LRRC7: variants seen among roughly 807,000 people sequenced by gnomAD.
LRRC7 encodes leucine rich repeat containing 7.
LRRC7 carries 23 observed loss-of-function variants against 175.7 expected under a neutral mutation model. The ratio of observed to expected loss-of-function variants is 0.13; its 90% confidence interval spans 0.09 to 0.19. LRRC7 has a LOEUF of 0.19. Among genes scored for constraint, LRRC7 ranks in the 10% least tolerant of loss-of-function variants. The probability of loss-of-function intolerance (pLI) is 1.00; values close to 1 mark genes in which losing one functional copy is unlikely to be tolerated. For missense variants in LRRC7, 1,354 were observed against 1,904.7 expected, an observed-to-expected ratio of 0.71 and a Z score of 5.38; for synonymous variants, 685 against 680.9, an observed-to-expected ratio of 1.01 and a Z score of -0.09.
At chr1:69,760,507 A>C in intron 3 of LRRC7, 114 bp downstream of exon 3, 1 of 819,466 alleles carries the variant, frequency 1.2e-6, no homozygotes, top group Non-Finnish European at 2.0e-6. Context: ...CTGACAAGTC[A>C]TTGAAATTGA....
chr1:69,834,099 A>G (rs1365888832), intron 5 of LRRC7, among the ~76,000 whole-genome samples: 4 of 152,168 alleles, frequency 2.6e-5, no homozygotes, highest in Non-Finnish European at 5.9e-5. Flanking sequence ...TAATTATTTC[A>G]TCTAATTTCT....
intron 2 of LRRC7, among the ~76,000 whole-genome samples, chr1:69,687,546 G>GA (rs1557601122): frequency 1.5e-5 from 2 of 130,364 alleles, no homozygotes; most frequent in African/African-American, 2.8e-5. Context: ...AAAGAAAAAA[G>GA]AAAAAGAAAA....
intron 22 of LRRC7, 50 bp from the exon 23 acceptor site, chr1:70,052,976 G>A (rs747423665): frequency 1.3e-6 from 2 of 1,495,750 alleles, no homozygotes; most frequent in East Asian, 2.4e-5. Context: ...AGAAAACTAT[G>A]GTAAACTTCT....
At chr1:69,741,983 G>A (rs1668763376) in intron 2 of LRRC7, among the ~76,000 whole-genome samples, 1 of 151,830 alleles carries the variant, frequency 6.6e-6, no homozygotes, top group African/African-American at 2.4e-5. Flanking sequence ...TCAGAAAGTG[G>A]CACTGAGATT....
At chr1:69,814,987 C>T (rs771007155) in intron 4 of LRRC7, among the ~76,000 whole-genome samples, 38 of 152,152 alleles carry the variant, frequency 2.5e-4, no homozygotes, top group South Asian at 6.2e-4. Flanking sequence ...ACCCAGAACT[C>T]TCCCTAAGCT....
intron 1 of LRRC7, among the ~76,000 whole-genome samples, chr1:69,639,950 C>T (rs770650204): frequency 6.6e-6 from 1 of 151,718 alleles, no homozygotes; most frequent in Non-Finnish European, 1.5e-5. Flanking sequence ...TGAACCATAA[C>T]TGTCTGTGAC....
intron 23 of LRRC7, among the ~76,000 whole-genome samples, chr1:70,064,934 C>G (rs1252227761): frequency 6.6e-6 from 1 of 151,854 alleles, no homozygotes; most frequent in Non-Finnish European, 1.5e-5. Flanking sequence ...GAGGCCTTTT[C>G]TTCATATTGA....
intron 7 of LRRC7, among the ~76,000 whole-genome samples, chr1:69,863,067 A>G (rs1306210193): frequency 6.6e-6 from 1 of 152,160 alleles, no homozygotes; most frequent in Non-Finnish European, 1.5e-5. Flanking sequence ...AATAGAAATA[A>G]CATTTTTTAG....
At chr1:70,022,026 A>G (rs1417254545) in intron 16 of LRRC7, among the ~76,000 whole-genome samples, 1 of 152,090 alleles carries the variant, frequency 6.6e-6, no homozygotes, top group Non-Finnish European at 1.5e-5. Flanking sequence ...TCTCCTTTCC[A>G]CATTTTCTAA....
chr1:69,863,215 C>G (rs1212223822), intron 7 of LRRC7, among the ~76,000 whole-genome samples: 1 of 152,174 alleles, frequency 6.6e-6, no homozygotes, highest in African/African-American at 2.4e-5. Flanking sequence ...CCTTTTTTAT[C>G]ATTTAAATCT....
chr1:70,032,800 A>G (rs977212428), intron 18 of LRRC7, among the ~76,000 whole-genome samples: 7 of 152,186 alleles, frequency 4.6e-5, no homozygotes, highest in African/African-American at 1.7e-4. Flanking sequence ...TCTTTATGGC[A>G]GTAGCAGCCA....
At chr1:69,826,663 AT>A (rs1679945037) in intron 5 of LRRC7, among the ~76,000 whole-genome samples, 1 of 152,180 alleles carries the variant, frequency 6.6e-6, no homozygotes, top group Admixed American at 6.5e-5. Context: ...TAAGACTGGC[AT>A]TTTAATTATA....
chr1:69,730,763 A>G (rs930784917), intron 2 of LRRC7, among the ~76,000 whole-genome samples: 4 of 152,114 alleles, frequency 2.6e-5, no homozygotes, highest in Admixed American at 6.5e-5. Context: ...ATTTTCAGCT[A>G]TCTTTAGAGC....
chr1:70,039,929 T>C, intron 21 of LRRC7, 136 bp downstream of exon 21: 7 of 1,170,286 alleles, frequency 6.0e-6, no homozygotes, highest in African/African-American at 1.5e-5. Flanking sequence ...CTTTATATTG[T>C]GGGGAAAATG....
intron 2 of LRRC7, among the ~76,000 whole-genome samples, chr1:69,682,587 T>C (rs540100870): frequency 6.6e-6 from 1 of 152,278 alleles, no homozygotes; most frequent in East Asian, 1.9e-4. Flanking sequence ...CAATTGATGT[T>C]ATATCATGAG....
chr1:69,643,352 A>G (rs535959454), intron 1 of LRRC7, among the ~76,000 whole-genome samples: 2 of 152,264 alleles, frequency 1.3e-5, no homozygotes, highest in South Asian at 4.1e-4. Flanking sequence ...TTAACATATA[A>G]AATTAACTCT....
At chr1:70,020,964 G>A in intron 15 of LRRC7, 41 bp from the exon 16 acceptor site, 2 of 1,543,686 alleles carry the variant, frequency 1.3e-6, no homozygotes, top group Non-Finnish European at 1.7e-6. Context: ...GTGTAAAATT[G>A]TTTTTTAAAA....
intron 23 of LRRC7, among the ~76,000 whole-genome samples, chr1:70,055,565 A>G (rs1474454378): frequency 3.3e-5 from 5 of 152,066 alleles, no homozygotes; most frequent in African/African-American, 9.7e-5. Flanking sequence ...GGTTTAATTG[A>G]CTCACAGTTC....
intron 2 of LRRC7, among the ~76,000 whole-genome samples, chr1:69,683,789 A>G (rs183643786): frequency 1.9e-3 from 284 of 152,266 alleles, no homozygotes; most frequent in African/African-American, 6.6e-3. Flanking sequence ...TGAGCAGGGA[A>G]TTATAAAAAA....
Sources: gnomAD v4.1 joint callset for allele counts (sites outside exome capture counted in the v4.1 genomes callset) on GRCh38, gnomAD v4.1.1 for gene constraint, MANE v1.5 for transcripts, NCBI Gene and HGNC (gene_info 2026-07-23, HGNC 2026-07-21) for gene names.